The following GRAMD2B variants were observed in gnomAD, a reference collection of about 807,000 sequenced individuals.
The protein encoded by GRAMD2B is GRAM domain containing 2B.
Under a neutral mutation model 59.2 loss-of-function variants are expected in GRAMD2B, and 41 were observed. The ratio of observed to expected loss-of-function variants is 0.69; its 90% CI spans 0.54 to 0.90. GRAMD2B has a LOEUF of 0.90. Among genes scored for constraint, GRAMD2B ranks in the 40% least tolerant of loss-of-function variants. GRAMD2B has a pLI of 0.00. For missense variants in GRAMD2B, 424 were observed against 500.5 expected (o/e 0.85, Z 1.46); for synonymous variants, 161 against 182.7 (o/e 0.88, Z 0.96).
upstream of GRAMD2B, among the ~76,000 whole-genome samples, chr5:126,419,570 C>T (rs536991622): frequency 1.1e-4 from 17 of 152,262 alleles, no homozygotes; most frequent in African/African-American, 4.1e-4. Flanking sequence ...TCTCCAAACA[C>T]ATTATTTGTA....
chr5:126,441,792 A>C (rs1425847529), intron 1 of GRAMD2B, among the ~76,000 whole-genome samples: 1 of 152,140 alleles, frequency 6.6e-6, no homozygotes, highest in Non-Finnish European at 1.5e-5. Flanking sequence ...AGCTCGTTAG[A>C]GGCTCTTGAT....
At chr5:126,384,714 G>A (rs1272982776) in intron 1 of GRAMD2B, among the ~76,000 whole-genome samples, 1 of 152,172 alleles carries the variant, frequency 6.6e-6, no homozygotes, top group Admixed American at 6.5e-5. Flanking sequence ...CAAGAAGTCC[G>A]CACTCTATGC....
chr5:126,366,512 A>G (rs917607601), upstream of GRAMD2B, among the ~76,000 whole-genome samples: 3 of 152,252 alleles, frequency 2.0e-5, no homozygotes, highest in African/African-American at 7.2e-5. Flanking sequence ...CTGAATGCTT[A>G]CTATGTACAG....
chr5:126,449,664 T>A (rs1764972772), intron 1 of GRAMD2B, among the ~76,000 whole-genome samples: 2 of 152,250 alleles, frequency 1.3e-5, no homozygotes, highest in Non-Finnish European at 2.9e-5. Context: ...TGACAGTGTC[T>A]TTCTTCTCTA....
intron 6 of GRAMD2B, among the ~76,000 whole-genome samples, chr5:126,478,056 G>T (rs1770968505): frequency 6.7e-6 from 1 of 148,962 alleles, no homozygotes; most frequent in South Asian, 2.1e-4. Flanking sequence ...CCTGACCAAG[G>T]TCAAAAAAAT....
chr5:126,430,307 T>C (rs1490290113), intron 1 of GRAMD2B, among the ~76,000 whole-genome samples: 1 of 152,180 alleles, frequency 6.6e-6, no homozygotes, highest in East Asian at 1.9e-4. Flanking sequence ...ATGTCAAAGA[T>C]TTCTGTATTT....
intron 1 of GRAMD2B, among the ~76,000 whole-genome samples, chr5:126,430,484 T>C (rs1761382497): frequency 6.6e-6 from 1 of 152,158 alleles, no homozygotes; most frequent in Non-Finnish European, 1.5e-5. Flanking sequence ...ATCCCTCCAG[T>C]GATATCCCTC....
At position 126,492,918 on chromosome 5, in the gene GRAMD2B, C is replaced by A. The variant is rs377236715; in HGVS notation, c.1261C>A (p.Gln421Lys). The A allele has an allele frequency of 1.4e-5, 23 of 1,603,400 alleles. No homozygotes were observed. In the African/African-American group the frequency reaches 2.5e-4, roughly 18 times the overall value. The part of the protein sequence containing the change: ...TANIVKLEKI[Q>K]NNLQKLLENG... ...ACTTCTTTTCTTTTATTTCAAGATA[C>A]AAAATAACTTACAGAAGTTGCTTGA... Residue 421 changes from glutamine to lysine, a missense_variant, in exon 14 of 14, where the codon CAA (glutamine) becomes AAA (lysine). Physicochemically the swap from Gln to Lys is moderately conservative, Grantham distance 53. Transcript: ENST00000285689.
intron 1 of GRAMD2B, among the ~76,000 whole-genome samples, chr5:126,435,297 C>T (rs1333344367): frequency 2.0e-5 from 3 of 152,200 alleles, no homozygotes; most frequent in South Asian, 2.1e-4. Flanking sequence ...AGATTAGAGG[C>T]GCTGTTTGAA....
intron 3 of GRAMD2B, among the ~76,000 whole-genome samples, chr5:126,471,909 C>G (rs1769662418): frequency 6.6e-6 from 1 of 152,190 alleles, no homozygotes; most frequent in African/African-American, 2.4e-5. Context: ...TACCTGGGAT[C>G]CAGTATCTTC....
intron 1 of GRAMD2B, among the ~76,000 whole-genome samples, chr5:126,410,860 T>G (rs1200923489): frequency 6.6e-6 from 1 of 152,084 alleles, no homozygotes; most frequent in Non-Finnish European, 1.5e-5. Context: ...TTCTTTGATG[T>G]CAGTGATGTG....
At chr5:126,414,075 T>C (rs1211694831) in intron 1 of GRAMD2B, among the ~76,000 whole-genome samples, 2 of 152,134 alleles carry the variant, frequency 1.3e-5, no homozygotes, top group Non-Finnish European at 2.9e-5. Context: ...ACTAAAAAAA[T>C]ACCATCGACA....
At chr5:126,472,553 C>A (rs141827958) in intron 4 of GRAMD2B, among the ~76,000 whole-genome samples, 1 of 152,126 alleles carries the variant, frequency 6.6e-6, no homozygotes, top group Admixed American at 6.5e-5. Flanking sequence ...GATGCCCTTC[C>A]CTTCTTTATT....
At chr5:126,391,319 C>CAAAAAAATAAAAAAAAAAAAAAAAAAAAA (rs1756737046) in intron 1 of GRAMD2B, among the ~76,000 whole-genome samples, 1 of 76,350 alleles carries the variant, frequency 1.3e-5, no homozygotes, top group African/African-American at 4.8e-5. Context: ...GACTCCATCT[C>CAAAAAAATAAAAAAAAAAAAAAAAAAAAA]AAAAAAAAAA....
At chr5:126,490,530 T>C (rs1773732796) in intron 13 of GRAMD2B, among the ~76,000 whole-genome samples, 1 of 152,142 alleles carries the variant, frequency 6.6e-6, no homozygotes, top group Non-Finnish European at 1.5e-5. Flanking sequence ...ACTGATTCAG[T>C]AAAAAGTGGA....
At chr5:126,475,594 T>G (rs915099826) in intron 5 of GRAMD2B, among the ~76,000 whole-genome samples, 7 of 152,218 alleles carry the variant, frequency 4.6e-5, no homozygotes, top group African/African-American at 1.4e-4. Context: ...TTCCATAGTC[T>G]TCCAGCCTAG....
At chr5:126,424,147 G>A (rs1760172766) in intron 1 of GRAMD2B, among the ~76,000 whole-genome samples, 2 of 152,198 alleles carry the variant, frequency 1.3e-5, no homozygotes, top group Non-Finnish European at 2.9e-5. Context: ...GTGGGGATGG[G>A]GGAGGCACAA....
rs575757251 is a variant in GRAMD2B, at chr5:126,484,085, C to T, written c.848-317C>T. Reference sequence around the variant, plus strand: ...CCTCGTGATCCACCCACTTTGGCCTCCCAAAGTGCTGGGATTACAGGCGTG... The same window carrying T: ...CCTCGTGATCCACCCACTTTGGCCTTCCAAAGTGCTGGGATTACAGGCGTG... On this transcript the variant is annotated intron_variant, in intron 9 of 13. Transcript: ENST00000285689. 5.3e-5 allele frequency among the ~76,000 whole-genome samples: 8 copies of T among 152,326 alleles called. No homozygotes were observed. The East Asian group carries it at 1.4e-3, about 26-fold the overall frequency.
intron 1 of GRAMD2B, among the ~76,000 whole-genome samples, chr5:126,403,148 A>C (rs1172651926): frequency 6.6e-6 from 1 of 152,032 alleles, no homozygotes; most frequent in African/African-American, 2.4e-5. Context: ...ATATTCACAC[A>C]GAAAGAAATA....
Sources: gnomAD v4.1 joint callset for allele counts (sites outside exome capture counted in the v4.1 genomes callset) on GRCh38, gnomAD v4.1.1 for gene constraint, MANE v1.5 for transcripts, NCBI Gene and HGNC (gene_info 2026-07-23, HGNC 2026-07-21) for gene names.